VAV1: variants seen among roughly 807,000 people sequenced by gnomAD.
VAV1 encodes the protein vav guanine nucleotide exchange factor 1, also known as proto-oncogene vav.
In VAV1, 33 loss-of-function variants were observed where a neutral mutation model predicts 128.1. That is an observed-to-expected ratio of 0.26 (90% CI 0.20 to 0.34). The LOEUF is 0.34. VAV1 is among the 10% of genes least tolerant of loss of function. The probability of loss-of-function intolerance (pLI) is 1.00; values close to 1 mark genes in which losing one functional copy is unlikely to be tolerated. For missense variants in VAV1, 715 were observed against 1,093.7 expected (o/e 0.65, Z 4.88); for synonymous variants, 394 against 409.8 (o/e 0.96, Z 0.47).
chr19:6,773,059 T>C (rs746168471), intron 1 of VAV1, 48 bp downstream of exon 1: 2 of 1,607,862 alleles, frequency 1.2e-6, no homozygotes, highest in African/African-American at 1.3e-5. Flanking sequence ...ACGGGGGTCC[T>C]CCCCGGGGCT....
At chr19:6,818,754 C>G (rs982095229) in intron 1 of VAV1, among the ~76,000 whole-genome samples, 3 of 152,076 alleles carry the variant, frequency 2.0e-5, no homozygotes, top group African/African-American at 7.2e-5. Context: ...CGTCACAGTG[C>G]AGGGAGAAGG....
rs572815529 is a variant in VAV1, at chr19:6,822,790, A to G, written c.654+276A>G. Among the ~76,000 whole-genome samples the G allele has an allele frequency of 6.8e-6, 1 of 147,868 alleles. No individual in the cohort carries two copies. The highest frequency in any genetic ancestry group is 1.5e-5 in the Non-Finnish European group (1 of 67,078). ...CAAAAACAAACAAAATAAATACAAA[A>G]TCAAAAATATATAAATATATTAAAC... On this transcript the variant is annotated intron_variant, in intron 6 of 26. Transcript: ENST00000602142. The surrounding 1 kb of genome is among the most constrained non-coding windows in gnomAD (Gnocchi z 5.9).
At chr19:6,821,479 G>A (rs1047418188) in intron 2 of VAV1, 143 bp from the exon 3 acceptor site, 30 of 850,370 alleles carry the variant, frequency 3.5e-5, no homozygotes, top group Middle Eastern at 6.2e-4. Context: ...GATGGTATGG[G>A]GAATAGGAGG....
Position 6,815,466 on chromosome 19 carries a change from C to T in VAV1, c.205-5236C>T, listed in dbSNP as rs574952628. ...CATACAGTTGTTTCTGTTTGTAGCC[C>T]GTGAGCTTAGTTTTGTAGGAGGATG... On this transcript the variant is annotated intron_variant, in intron 1 of 26. Transcript: ENST00000602142. Among the ~76,000 whole-genome samples, 22 of 152,154 alleles carry T rather than the reference C, an allele frequency of 1.4e-4. No homozygotes were observed. The South Asian group carries it at 3.5e-3, about 24-fold the overall frequency.
chr19:6,852,142 T>C (rs981862393), intron 24 of VAV1, among the ~76,000 whole-genome samples: 2 of 152,188 alleles, frequency 1.3e-5, no homozygotes, highest in African/African-American at 4.8e-5. Flanking sequence ...GCCTCCTGAA[T>C]AGCTGAGACT....
At position 6,772,749 on chromosome 19, in the gene VAV1, G is replaced by A. The variant is rs535098859; in HGVS notation, c.-59G>A. 953 of 1,558,196 alleles carry A rather than the reference G, an allele frequency of 6.1e-4. 8 individuals are homozygous for A. The South Asian group carries it at 0.01, about 17-fold the overall frequency. On this transcript the variant is annotated 5_prime_UTR_variant, in exon 1 of 27. Coordinates refer to ENST00000602142, the MANE Select transcript of VAV1 (RefSeq NM_005428.4). The surrounding 1 kb of genome is among the most constrained non-coding windows in gnomAD (Gnocchi z 4.8). The stretch of plus-strand genomic sequence containing the variant: ...CCACAGGCGAGCAGGGCAGGCGTGC[G>A]GGCGGGTGGGTGGTGGAGGCTGCGA...
intron 2 of VAV1, 150 bp from the exon 3 acceptor site, chr19:6,821,471 TG>T (rs1971782044): frequency 1.3e-6 from 1 of 787,538 alleles, no homozygotes; most frequent in African/African-American, 1.7e-5. Flanking sequence ...GAGAGAACGA[TG>T]GTATGGGGAA....
At chr19:6,832,674 C>T (rs568333106) in intron 15 of VAV1, among the ~76,000 whole-genome samples, 11 of 145,348 alleles carry the variant, frequency 7.6e-5, no homozygotes, top group African/African-American at 1.8e-4. Context: ...CCTCCTCTTC[C>T]TCCTCTTCTT....
Position 6,784,489 on chromosome 19 carries a change from G to A in VAV1, c.204+11478G>A, listed in dbSNP as rs1048912127. On this transcript the variant is annotated intron_variant, in intron 1 of 26. Transcript: ENST00000602142. ...GCACCATCCCTTTCCATTCCATTCT[G>A]TTCCTTTTTTTTTTTTTTTTTTGAG... Among the ~76,000 whole-genome samples, 5 of 144,308 alleles carry A rather than the reference G, an allele frequency of 3.5e-5. No individual in the cohort carries two copies. The South Asian group carries it at 1.1e-3, about 32-fold the overall frequency. The allele number at this position is 144,308 out of a possible 152,430, so 94.7% of individuals were successfully genotyped here. A position where few individuals can be genotyped will look rare whatever the true frequency, so the allele number is the denominator to read the frequency against.
At chr19:6,849,200 G>T (rs1972603448) in intron 23 of VAV1, among the ~76,000 whole-genome samples, 1 of 151,362 alleles carries the variant, frequency 6.6e-6, no homozygotes, top group South Asian at 2.1e-4. Context: ...CAACACCCAG[G>T]GAGTGATCAT....
In VAV1 at chr19:6,826,506, T is replaced by C. The variant is rs575623203; in HGVS notation, c.828-106T>C. The C allele has an allele frequency of 1.5e-3, 1,133 of 759,970 alleles. 1 individual carries two copies. Among genetic ancestry groups the C allele is most frequent in the Non-Finnish European group, 1.6e-3 (725 of 443,738 alleles). 47.1% of individuals were successfully genotyped at this position (759,970 alleles called of 1,614,324 possible). A position where few individuals can be genotyped will look rare whatever the true frequency, so the allele number is the denominator to read the frequency against. ...ATTTCACAGATGGAGAAACTGGGAC[T>C]CAGGTTTCTTCTCCAGCGGGGAAGA... On this transcript the variant is annotated intron_variant, in intron 8 of 26. Transcript: ENST00000602142. This position sits in a 1 kb window ranked among gnomAD's most constrained non-coding sequence, Gnocchi z 4.1.
chr19:6,823,337 G>A (rs1009631958), intron 6 of VAV1, among the ~76,000 whole-genome samples: 1 of 151,224 alleles, frequency 6.6e-6, no homozygotes, highest in Non-Finnish European at 1.5e-5. Flanking sequence ...TGTTGGCCAG[G>A]CTGGTCTCGA....
At chr19:6,785,360 C>T (rs1970864494) in intron 1 of VAV1, among the ~76,000 whole-genome samples, 1 of 152,080 alleles carries the variant, frequency 6.6e-6, no homozygotes, top group Admixed American at 6.6e-5. Flanking sequence ...TTAACGGGGT[C>T]TCTGTCTATT....
intron 26 of VAV1, among the ~76,000 whole-genome samples, chr19:6,856,730 GAAAAA>G (rs1222535432): frequency 2.9e-5 from 2 of 68,854 alleles, no homozygotes; most frequent in African/African-American, 5.0e-5. Context: ...TCTCAAAAAA[GAAAAA>G]AAAAAAAAAA....
intron 22 of VAV1, among the ~76,000 whole-genome samples, chr19:6,844,076 TTTTTTTTTTTTTTTTTTTTTTTTTTTTTG>T (rs1972454844): frequency 1.0e-5 from 1 of 99,524 alleles, no homozygotes; most frequent in African/African-American, 5.1e-5. Flanking sequence ...TTTTTTTTTT[TTTTTTTTTTTTTTTTTTTTTTTTTTTTTG>T]CAAATGAGGC....
At chr19:6,840,166 G>T (rs779118085) in intron 21 of VAV1, among the ~76,000 whole-genome samples, 1 of 152,118 alleles carries the variant, frequency 6.6e-6, no homozygotes, top group Non-Finnish European at 1.5e-5. Flanking sequence ...CTACTCTTGA[G>T]CTCTATGGAT....
At chr19:6,841,994 G>A (rs1398336511) in intron 21 of VAV1, among the ~76,000 whole-genome samples, 1 of 151,962 alleles carries the variant, frequency 6.6e-6, no homozygotes, top group Non-Finnish European at 1.5e-5. Flanking sequence ...GGGAGGCCGA[G>A]GCGGGTGGAT....
At chr19:6,783,565 C>T (rs1472258144) in intron 1 of VAV1, among the ~76,000 whole-genome samples, 1 of 151,432 alleles carries the variant, frequency 6.6e-6, no homozygotes, top group Non-Finnish European at 1.5e-5. Flanking sequence ...TCACGGCAAC[C>T]TCCGCCTCCC....
chr19:6,780,428 C>G (rs1447034626), intron 1 of VAV1, among the ~76,000 whole-genome samples: 1 of 150,598 alleles, frequency 6.6e-6, no homozygotes, highest in African/African-American at 2.4e-5. Context: ...AGTACATTTA[C>G]ATAAACCTAG....
Sources: gnomAD v4.1 joint callset for allele counts (sites outside exome capture counted in the v4.1 genomes callset) on GRCh38, gnomAD v4.1.1 for gene constraint, Gnocchi (gnomAD v3.1) non-coding constraint, MANE v1.5 for transcripts, NCBI Gene and HGNC (gene_info 2026-07-23, HGNC 2026-07-21) for gene names.